Variants in SLITRK5 observed in about 807,000 individuals in gnomAD.
SLITRK5 encodes SLIT and NTRK-like protein 5.
A neutral mutation model predicts 56.2 loss-of-function variants in SLITRK5; 23 were observed. The observed-to-expected ratio is 0.41, with a 90% confidence interval of 0.29 to 0.58. The LOEUF is 0.58. Among genes scored for constraint, SLITRK5 ranks in the 20% least tolerant of loss-of-function variants. The pLI is 0.30. For synonymous variants in SLITRK5, 637 were observed against 531.8 expected (o/e 1.20, Z -2.72); for missense variants, 1,289 against 1,226.6 (o/e 1.05, Z -0.76).
chr13:87,676,795 C>G lies in SLITRK5; in HGVS notation c.1407C>G (p.Ile469Met), dbSNP rs373888771. Residue 469 changes from isoleucine to methionine, a missense_variant, in exon 2 of 2, where the codon ATC (isoleucine) becomes ATG (methionine). Coordinates refer to ENST00000683689, the MANE Select transcript of SLITRK5 (RefSeq NM_001384609.1). The part of the protein sequence containing the change: ...LRRLYLNGNR[I>M]ERLSPELFYG... ...GCCTCTACCTGAATGGCAACAGGAT[C>G]GAGAGGCTGAGCCCGGAGTTATTCT... 5.6e-6 allele frequency: 9 copies of G among 1,613,938 alleles called. No homozygotes were observed. Among genetic ancestry groups the G allele is most frequent in the African/African-American group, 2.7e-5 (2 of 74,900 alleles).
In SLITRK5 at chr13:87,679,289, G is replaced by A. The variant is rs1029761562; in HGVS notation, c.*1024G>A. On this transcript the variant is annotated 3_prime_UTR_variant, in exon 2 of 2. Coordinates refer to ENST00000683689, the MANE Select transcript of SLITRK5 (RefSeq NM_001384609.1). ...TCCGAGAGAATTGTTTGCAAGTTTT[G>A]GGTTTTATTAGAAAATATTTGAAAG... is the stretch of plus-strand genomic sequence containing the variant. 6.0e-6 allele frequency: 1 copy of A among 166,944 alleles called. No homozygotes were observed. The highest frequency in any genetic ancestry group is 1.5e-5 in the Non-Finnish European group (1 of 68,092). The allele number at this position is 166,944 out of a possible 1,614,324, so 10.3% of individuals were successfully genotyped here.
chr13:87,673,453 T>C, intron 1 of SLITRK5: 1 of 591,764 alleles, frequency 1.7e-6, no homozygotes, highest in Non-Finnish European at 2.6e-6. Context: ...GAATTTGCAA[T>C]GGGCTTTCAG....
In SLITRK5 at chr13:87,674,967, G is replaced by A. The variant is rs189063411; in HGVS notation, c.-8-414G>A. On this transcript the variant is annotated intron_variant, in intron 1 of 1. Transcript: ENST00000683689. ...CTCTGAAAGAAAGAAGGGGGGGTGGGGGCTGGGTATAGGTGAGGTGGGGAA... is the reference window on the plus strand; with the variant it reads ...CTCTGAAAGAAAGAAGGGGGGGTGGAGGCTGGGTATAGGTGAGGTGGGGAA... 4.6e-4 allele frequency among the ~76,000 whole-genome samples: 70 copies of A among 151,594 alleles called. 2 individuals are homozygous for A. In the East Asian group the frequency reaches 8.8e-3, roughly 19 times the overall value.
rs766005919 is a variant in SLITRK5 at position 87,677,928 on chromosome 13, C to G, written c.2540C>G (p.Pro847Arg). ...TIEPREDLLS[P>R]VQDADRFYRG... The stretch of plus-strand genomic sequence containing the variant: ...GAGCCCCGGGAGGACCTGCTGTCGC[C>G]GGTGCAGGACGCCGACCGCTTTTAC... Residue 847 changes from proline (P) to arginine (R), a missense_variant, in exon 2 of 2, where the codon CCG (proline) becomes CGG (arginine). Physicochemically the swap from Pro to Arg is moderately radical, Grantham distance 103. Coordinates refer to ENST00000683689, the MANE Select transcript of SLITRK5 (RefSeq NM_001384609.1). The surrounding 1 kb of genome is among the most constrained non-coding windows in gnomAD (Gnocchi z 4.7). 2.5e-6 allele frequency: 4 copies of G among 1,613,724 alleles called. No individual in the cohort carries two copies. The highest frequency in any genetic ancestry group is 2.2e-5 in the East Asian group (1 of 44,824).
intron 1 of SLITRK5, among the ~76,000 whole-genome samples, chr13:87,674,963 G>A (rs1199493845): frequency 2.6e-5 from 4 of 151,218 alleles, no homozygotes; most frequent in Admixed American, 2.0e-4. Flanking sequence ...AGAAGGGGGG[G>A]TGGGGGCTGG....
At position 87,677,568 on chromosome 13, in the gene SLITRK5, C is replaced by G; in HGVS notation, c.2180C>G (p.Pro727Arg). The G allele has an allele frequency of 6.2e-7, 1 of 1,609,524 alleles. No individual in the cohort carries two copies. The highest frequency in any genetic ancestry group is 8.5e-7 in the Non-Finnish European group (1 of 1,177,196). The change falls in exon 2 of 2, where the codon CCA becomes CGA. Residue 727 changes from proline to arginine, a missense_variant. Around this residue, in one of 3 missense-constraint regions of SLITRK5, gnomAD observed 985 missense variants for 906.0 expected, o/e 1.09. Transcript: ENST00000683689. This position sits in a 1 kb window ranked among gnomAD's most constrained non-coding sequence, Gnocchi z 4.7. ...GGCGGCGGCGGCACGGGCGGCCACC[C>G]ACACGCGCACGTGCATCACCGCGGG... ...YGGGGGTGGH[P>R]HAHVHHRGPA...
In SLITRK5 at chr13:87,674,450, T is replaced by C. The variant is rs1038980437; in HGVS notation, c.-8-931T>C. ...TGATCCTTGGTGTACTGATTCCCGG[T>C]AAGCGGTAGGAACGTCCTTTTTAAA... On this transcript the variant is annotated intron_variant, in intron 1 of 1. Transcript: ENST00000683689. 1.0e-5 allele frequency: 10 copies of C among 978,286 alleles called. No homozygotes were observed. The African/African-American group carries it at 1.1e-4, about 10-fold the overall frequency. 60.6% of individuals were successfully genotyped at this position (978,286 alleles called of 1,614,324 possible).
At position 87,679,368 on chromosome 13, in the gene SLITRK5, A is replaced by G. The variant is rs916106558; in HGVS notation, c.*1103A>G. On this transcript the variant is annotated 3_prime_UTR_variant, in exon 2 of 2. Coordinates refer to ENST00000683689, the MANE Select transcript of SLITRK5 (RefSeq NM_001384609.1). ...GTTCATTTGACTACTATTGTAGCCG[A>G]TTTTCGATTGTTTAACCAAACCCAG... The G allele has an allele frequency of 1.8e-5, 3 of 166,990 alleles. No individual in the cohort carries two copies. Among genetic ancestry groups the G allele is most frequent in the Non-Finnish European group, 4.4e-5 (3 of 68,102 alleles). 10.3% of individuals were successfully genotyped at this position (166,990 alleles called of 1,614,324 possible).
In SLITRK5 at chr13:87,677,890, C is replaced by A; in HGVS notation, c.2502C>A (p.Ser834Arg). The change falls in exon 2 of 2, where the codon AGC becomes AGA. Residue 834 changes from serine (S) to arginine (R), a missense_variant. By Grantham distance (110) the Ser-to-Arg change is moderately radical. This residue lies in a region of SLITRK5 where 985 missense variants were observed against 906.0 expected (regional missense o/e 1.09). Coordinates refer to ENST00000683689, the MANE Select transcript of SLITRK5 (RefSeq NM_001384609.1). The surrounding 1 kb of genome is among the most constrained non-coding windows in gnomAD (Gnocchi z 4.7). ...ESHHLRSPAY[S>R]VSTIEPREDL... ...ACCACTTGCGGAGCCCCGCCTACAG[C>A]GTCAGCACCATCGAGCCCCGGGAGG... The A allele has an allele frequency of 6.2e-7, 1 of 1,612,754 alleles. No individual in the cohort carries two copies.
chr13:87,677,062 C>A lies in SLITRK5; in HGVS notation c.1674C>A (p.Ile558=). The change falls in exon 2 of 2, where the codon ATC becomes ATA. Residue 558 remains isoleucine, a synonymous_variant. Transcript: ENST00000683689. This position sits in a 1 kb window ranked among gnomAD's most constrained non-coding sequence, Gnocchi z 4.7. ...VLDQLKSLIQ[I]DLHDNPWDCT... ...ACCAGCTGAAGTCACTCATCCAAAT[C>A]GACCTGCATGACAATCCTTGGGATT... 6.2e-7 allele frequency: 1 copy of A among 1,614,108 alleles called. No homozygotes were observed. Among genetic ancestry groups the A allele is most frequent in the Non-Finnish European group, 8.5e-7 (1 of 1,180,010 alleles).
chr13:87,676,632 A>C lies in SLITRK5; in HGVS notation c.1244A>C (p.Tyr415Ser). 6.2e-7 allele frequency: 1 copy of C among 1,614,076 alleles called. No individual in the cohort carries two copies. The highest frequency in any genetic ancestry group is 8.5e-7 in the Non-Finnish European group (1 of 1,180,038). ...QPKPYNPKKM[Y>S]LTENYIAVVR... ...AAGCCCTACAATCCCAAGAAAATGTATCTGACAGAGAACTACATCGCTGTC... is the reference window on the plus strand; with the variant it reads ...AAGCCCTACAATCCCAAGAAAATGTCTCTGACAGAGAACTACATCGCTGTC... Residue 415 changes from tyrosine (Y) to serine (S), a missense_variant, in exon 2 of 2, where the codon TAT (tyrosine) becomes TCT (serine). Physicochemically the swap from Tyr to Ser is moderately radical, Grantham distance 144 (BLOSUM62 -2). This residue lies in a region of SLITRK5 where 985 missense variants were observed against 906.0 expected (regional missense o/e 1.09). Transcript: ENST00000683689.
In SLITRK5 at chr13:87,678,156, T is replaced by C; in HGVS notation, c.2768T>C (p.Val923Ala). ...GTGCTCTACAGCCCCCCGAGTGCTG[T>C]CTTTGTAGAACCCAACCGGAACGAA... ...EPVLYSPPSA[V>A]FVEPNRNEYL... The change falls in exon 2 of 2, where the codon GTC (valine) becomes GCC (alanine). Residue 923 changes from valine to alanine, a missense_variant. Coordinates refer to ENST00000683689, the MANE Select transcript of SLITRK5 (RefSeq NM_001384609.1). 6.2e-7 allele frequency: 1 copy of C among 1,614,216 alleles called. No individual in the cohort carries two copies.
rs1280121393 is a variant in SLITRK5 at position 87,671,691 on chromosome 13, T to C, written c.-527T>C. ...AGAGAGTTCCAACTAATGACGATTGTGCGCCGCATCTGGGGAAGGGATACA... is the reference window on the plus strand; with the variant it reads ...AGAGAGTTCCAACTAATGACGATTGCGCGCCGCATCTGGGGAAGGGATACA... On this transcript the variant is annotated 5_prime_UTR_variant, in exon 1 of 2. Transcript: ENST00000683689. Among the ~76,000 whole-genome samples, 2 of 151,774 alleles carry C rather than the reference T, an allele frequency of 1.3e-5. No individual in the cohort carries two copies. Among genetic ancestry groups the C allele is most frequent in the Non-Finnish European group, 2.9e-5 (2 of 67,974 alleles).
chr13:87,675,263 T>C (rs1877221534), intron 1 of SLITRK5, 118 bp from the exon 2 acceptor site: 10 of 664,786 alleles, frequency 1.5e-5, no homozygotes, highest in Non-Finnish European at 2.6e-5. Context: ...GTGTGTCATT[T>C]GTATCTCTTC....
rs1313094574 is a variant in SLITRK5 at position 87,676,834 on chromosome 13, C to A, written c.1446C>A (p.Ser482Arg). 7 of 1,613,938 alleles carry A rather than the reference C, an allele frequency of 4.3e-6. No individual in the cohort carries two copies. The Admixed American group carries it at 1.2e-4, about 27-fold the overall frequency. Reference protein sequence around the residue: ...LSPELFYGLQSLQYLFLQYNL... With the variant: ...LSPELFYGLQRLQYLFLQYNL... Reference sequence around the variant, plus strand: ...CGGAGTTATTCTATGGCCTGCAGAGCCTGCAGTATCTCTTCCTCCAGTACA... The same window carrying A: ...CGGAGTTATTCTATGGCCTGCAGAGACTGCAGTATCTCTTCCTCCAGTACA... Residue 482 changes from serine (S) to arginine (R), a missense_variant, in exon 2 of 2, where the codon AGC becomes AGA. Around this residue, in one of 3 missense-constraint regions of SLITRK5, gnomAD observed 985 missense variants for 906.0 expected, o/e 1.09. Transcript: ENST00000683689.
chr13:87,678,307 CA>C lies in SLITRK5; in HGVS notation c.*44del. The stretch of plus-strand genomic sequence containing the variant: ...TTGGAGCTTTTGCATTTAAAACAAA[CA>C]AGCAAGCAGACACACACAGTGAACA... On this transcript the variant is annotated 3_prime_UTR_variant, in exon 2 of 2. Transcript: ENST00000683689. 4.6e-6 allele frequency: 7 copies of C among 1,524,106 alleles called. 1 individual carries two copies. The South Asian group carries it at 8.7e-5, about 19-fold the overall frequency. The allele number at this position is 1,524,106 out of a possible 1,614,324, so 94.4% of individuals were successfully genotyped here.
Position 87,677,514 on chromosome 13 carries a change from C to T in SLITRK5, c.2126C>T (p.Ser709Phe). Residue 709 changes from serine to phenylalanine, a missense_variant, in exon 2 of 2, where the codon TCC becomes TTC. Around this residue, in one of 3 missense-constraint regions of SLITRK5, gnomAD observed 985 missense variants for 906.0 expected, o/e 1.09. Coordinates refer to ENST00000683689, the MANE Select transcript of SLITRK5 (RefSeq NM_001384609.1). The surrounding 1 kb of genome is among the most constrained non-coding windows in gnomAD (Gnocchi z 4.7). ...HTSTNNSDVSSFNMQYSVYGG... is the reference protein window; with the variant it reads ...HTSTNNSDVSFFNMQYSVYGG... ...AGCACCAACAACTCCGACGTGAGCT[C>T]CTTTAACATGCAGTACAGCGTGTAC... The T allele has an allele frequency of 2.5e-6, 4 of 1,612,098 alleles. No homozygotes were observed. Among genetic ancestry groups the T allele is most frequent in the Non-Finnish European group, 3.4e-6 (4 of 1,179,800 alleles).
chr13:87,676,872 A>T lies in SLITRK5; in HGVS notation c.1484A>T (p.Glu495Val), dbSNP rs1424645615. ...TTCCTCCAGTACAATCTCATCCGCG[A>T]GATTCAGTCTGGAACTTTTGACCCG... is the stretch of plus-strand genomic sequence containing the variant. The part of the protein sequence containing the change: ...YLFLQYNLIR[E>V]IQSGTFDPVP... The change falls in exon 2 of 2, where the codon GAG becomes GTG. Residue 495 changes from glutamate to valine, a missense_variant. This residue lies in a region of SLITRK5 where 985 missense variants were observed against 906.0 expected (regional missense o/e 1.09). Coordinates refer to ENST00000683689, the MANE Select transcript of SLITRK5 (RefSeq NM_001384609.1). 6.2e-7 allele frequency: 1 copy of T among 1,613,948 alleles called. No homozygotes were observed. The highest frequency in any genetic ancestry group is 8.5e-7 in the Non-Finnish European group (1 of 1,180,026).
rs1383778657 is a variant in SLITRK5, at chr13:87,677,573, G to A, written c.2185G>A (p.Ala729Thr). Residue 729 changes from alanine (A) to threonine (T), a missense_variant, in exon 2 of 2, where the codon GCG (alanine) becomes ACG (threonine). Physicochemically the swap from Ala to Thr is moderately conservative, Grantham distance 58. Coordinates refer to ENST00000683689, the MANE Select transcript of SLITRK5 (RefSeq NM_001384609.1). The surrounding 1 kb of genome is among the most constrained non-coding windows in gnomAD (Gnocchi z 4.7). ...CGGCGGCACGGGCGGCCACCCACAC[G>A]CGCACGTGCATCACCGCGGGCCCGC... ...GGGGTGGHPH[A>T]HVHHRGPALP... The A allele has an allele frequency of 6.2e-7, 1 of 1,609,512 alleles. No homozygotes were observed. The highest frequency in any genetic ancestry group is 1.7e-5 in the Admixed American group (1 of 59,848).
Sources: allele counts gnomAD v4.1 joint callset (sites outside exome capture counted in the v4.1 genomes callset), GRCh38; gene constraint gnomAD v4.1.1; regional missense constraint gnomAD v4.1.1; non-coding constraint Gnocchi (gnomAD v3.1); transcripts MANE v1.5; gene names NCBI Gene and HGNC (gene_info 2026-07-23, HGNC 2026-07-21).